Variants in TCERG1L observed in about 807,000 individuals in gnomAD.
TCERG1L encodes transcription elongation regulator 1-like protein.
In TCERG1L, 37 loss-of-function variants were observed where a neutral mutation model predicts 56.3. That is an observed-to-expected ratio of 0.66 (90% CI 0.51 to 0.87). The LOEUF (loss-of-function observed/expected upper bound fraction) is 0.87. Ranked by LOEUF, TCERG1L falls within the 40% of genes least tolerant of loss-of-function variation. The probability of loss-of-function intolerance (pLI) is 0.00; values close to 1 mark genes in which losing one functional copy is unlikely to be tolerated. For synonymous variants in TCERG1L, 324 were observed against 326.3 expected (o/e 0.99, Z 0.08); for missense variants, 799 against 774.2 (o/e 1.03, Z -0.38).
intron 3 of TCERG1L, among the ~76,000 whole-genome samples, chr10:131,304,478 G>A (rs1846798978): frequency 6.6e-6 from 1 of 151,906 alleles, no homozygotes. Flanking sequence ...ACTGCAGGGA[G>A]TGGGGAGGTG....
intron 4 of TCERG1L, among the ~76,000 whole-genome samples, chr10:131,222,942 C>T (rs1017099920): frequency 6.6e-6 from 1 of 152,182 alleles, no homozygotes; most frequent in Non-Finnish European, 1.5e-5. Flanking sequence ...TTAACCCCGC[C>T]CCGCCTGTGG....
chr10:131,292,469 T>C (rs953634664), intron 3 of TCERG1L, among the ~76,000 whole-genome samples: 8 of 152,258 alleles, frequency 5.3e-5, no homozygotes, highest in African/African-American at 1.9e-4. Flanking sequence ...AGGATTTGTA[T>C]AGCTATCTTT....
intron 3 of TCERG1L, among the ~76,000 whole-genome samples, chr10:131,307,421 A>G (rs889054801): frequency 6.6e-6 from 1 of 152,226 alleles, no homozygotes; most frequent in African/African-American, 2.4e-5. Flanking sequence ...ACTAAATTTT[A>G]GAGACACATA....
At chr10:131,123,843 C>A (rs1004387336) in intron 8 of TCERG1L, among the ~76,000 whole-genome samples, 8 of 152,160 alleles carry the variant, frequency 5.3e-5, no homozygotes, top group Non-Finnish European at 1.2e-4. Context: ...CGAGACCCTG[C>A]CCCTGTCTTC....
intron 4 of TCERG1L, among the ~76,000 whole-genome samples, chr10:131,232,973 AT>A (rs926329659): frequency 9.8e-5 from 15 of 152,342 alleles, no homozygotes; most frequent in African/African-American, 3.4e-4. Flanking sequence ...ACACACTACT[AT>A]TGGAGATGTA....
chr10:131,112,817 G>A (rs1180057541), intron 9 of TCERG1L, among the ~76,000 whole-genome samples: 2 of 142,682 alleles, frequency 1.4e-5, no homozygotes, highest in Non-Finnish European at 3.2e-5. Context: ...CGTGGGGTGA[G>A]GAAGGTGCCC....
chr10:131,221,937 A>T (rs1366146195), intron 4 of TCERG1L, among the ~76,000 whole-genome samples: 1 of 152,230 alleles, frequency 6.6e-6, no homozygotes, highest in East Asian at 1.9e-4. Context: ...TGGACGAGGC[A>T]GACTGCAGTC....
intron 4 of TCERG1L, among the ~76,000 whole-genome samples, chr10:131,218,585 C>T (rs1001120689): frequency 6.6e-6 from 1 of 152,218 alleles, no homozygotes; most frequent in African/African-American, 2.4e-5. Flanking sequence ...CCTCCGCTTC[C>T]CAAGTTCAAG....
intron 10 of TCERG1L, among the ~76,000 whole-genome samples, chr10:131,100,758 C>T (rs1338402836): frequency 6.6e-6 from 1 of 152,204 alleles, no homozygotes; most frequent in Non-Finnish European, 1.5e-5. Context: ...TGTGTGACAC[C>T]AGGTCCTGTA....
chr10:131,203,839 G>T (rs1406710822), intron 4 of TCERG1L, among the ~76,000 whole-genome samples: 1 of 152,184 alleles, frequency 6.6e-6, no homozygotes, highest in Non-Finnish European at 1.5e-5. Context: ...CCAAGTGGGG[G>T]GTGGGCATCT....
chr10:131,310,829 G>C (rs1306934607), intron 1 of TCERG1L, among the ~76,000 whole-genome samples: 1 of 152,182 alleles, frequency 6.6e-6, no homozygotes, highest in Non-Finnish European at 1.5e-5. Flanking sequence ...AAATGAAAGG[G>C]GGAAAAACCC....
intron 4 of TCERG1L, among the ~76,000 whole-genome samples, chr10:131,246,790 G>T (rs1040554413): frequency 6.6e-6 from 1 of 152,190 alleles, no homozygotes; most frequent in Non-Finnish European, 1.5e-5. Flanking sequence ...GAAGTGAGAC[G>T]GCCTCCCAGC....
In TCERG1L at chr10:131,195,850, G is replaced by A. The variant is rs117934493; in HGVS notation, c.857-28965C>T. Among the ~76,000 whole-genome samples, 1,192 of 152,322 alleles carry A rather than the reference G, an allele frequency of 7.8e-3. 32 individuals carry two copies. The South Asian group carries it at 0.096, about 12-fold the overall frequency. ...AGACCACGCTCGGCCTGCGGGGCGC[G>A]GCTCTCCTGGCTCCATCCACACAAG... is the stretch of plus-strand genomic sequence containing the variant. On this transcript the variant is annotated intron_variant, in intron 4 of 11. Coordinates refer to ENST00000368642, the MANE Select transcript of TCERG1L (RefSeq NM_174937.4).
intron 9 of TCERG1L, among the ~76,000 whole-genome samples, chr10:131,105,767 T>C (rs1845346453): frequency 6.6e-6 from 1 of 152,242 alleles, no homozygotes; most frequent in African/African-American, 2.4e-5. Flanking sequence ...CTCAATCTTT[T>C]ATTTATATTG....
chr10:131,275,065 T>C (rs985005740), intron 3 of TCERG1L, among the ~76,000 whole-genome samples: 2 of 152,204 alleles, frequency 1.3e-5, no homozygotes, highest in African/African-American at 2.4e-5. Flanking sequence ...CACATTGCCC[T>C]GCTCTCAGCA....
chr10:131,310,668 T>C (rs1290979465), intron 1 of TCERG1L, among the ~76,000 whole-genome samples: 2 of 152,246 alleles, frequency 1.3e-5, no homozygotes, highest in Non-Finnish European at 2.9e-5. Flanking sequence ...ACTCTAGTTC[T>C]AAAGTGCAGT....
intron 4 of TCERG1L, among the ~76,000 whole-genome samples, chr10:131,221,183 G>T (rs1287746365): frequency 2.0e-5 from 3 of 152,330 alleles, no homozygotes; most frequent in Admixed American, 6.5e-5. Flanking sequence ...ATGGCAGGTG[G>T]AAAGTGTCTC....
At chr10:131,116,677 G>T in intron 9 of TCERG1L, 122 bp downstream of exon 9, 3 of 1,342,850 alleles carry the variant, frequency 2.2e-6, no homozygotes, top group Non-Finnish European at 3.1e-6. Context: ...CTCAGGCCAG[G>T]ACAGTCACTC....
chr10:131,243,116 G>A (rs1353032649), intron 4 of TCERG1L, among the ~76,000 whole-genome samples: 1 of 152,122 alleles, frequency 6.6e-6, no homozygotes, highest in African/African-American at 2.4e-5. Flanking sequence ...ACCATTGTGT[G>A]GGGCTGTGCA....
Sources: allele counts gnomAD v4.1 joint callset (sites outside exome capture counted in the v4.1 genomes callset), GRCh38; gene constraint gnomAD v4.1.1; transcripts MANE v1.5; gene names NCBI Gene and HGNC (gene_info 2026-07-23, HGNC 2026-07-21).